The following ITFG1 variants were observed in gnomAD, a reference collection of about 807,000 sequenced individuals.
The protein encoded by ITFG1 is integrin alpha FG-GAP repeat containing 1, also known as T-cell immunomodulatory protein.
In ITFG1, 34 loss-of-function variants were observed where a neutral mutation model predicts 81.8. The ratio of observed to expected loss-of-function variants is 0.42; its 90% CI spans 0.32 to 0.55. ITFG1 has a LOEUF of 0.55. Among genes scored for constraint, ITFG1 ranks in the 20% least tolerant of loss-of-function variants. ITFG1 has a pLI of 0.17. For synonymous variants in ITFG1, 285 were observed against 270.6 expected (o/e 1.05, Z -0.52); for missense variants, 672 against 755.4 (o/e 0.89, Z 1.29).
chr16:47,259,663 T>C (rs1966182469), intron 11 of ITFG1, among the ~76,000 whole-genome samples: 1 of 152,186 alleles, frequency 6.6e-6, no homozygotes, highest in South Asian at 2.1e-4. Context: ...AAATAAATTA[T>C]CTTACAAGGA....
Position 47,210,183 on chromosome 16 carries a change from C to T in ITFG1, c.1453+8685G>A, listed in dbSNP as rs375427570. 3.3e-5 allele frequency among the ~76,000 whole-genome samples: 5 copies of T among 152,314 alleles called. No homozygotes were observed. In the East Asian group the frequency reaches 5.8e-4, roughly 18 times the overall value. The stretch of plus-strand genomic sequence containing the variant: ...ACACAAGCAATATATAAGTGATCTA[C>T]TGTCTCTGCATCCTCATTAGCATTT... On this transcript the variant is annotated intron_variant, in intron 14 of 17. Transcript: ENST00000320640.
intron 14 of ITFG1, among the ~76,000 whole-genome samples, chr16:47,179,471 TA>T (rs960204152): frequency 7.9e-5 from 12 of 152,078 alleles, no homozygotes; most frequent in African/African-American, 2.9e-4. Flanking sequence ...TTAAAGTATA[TA>T]AAAAAATTGA....
intron 8 of ITFG1, among the ~76,000 whole-genome samples, chr16:47,344,559 T>C (rs1020288056): frequency 1.3e-5 from 2 of 152,232 alleles, no homozygotes; most frequent in African/African-American, 4.8e-5. Context: ...CCAAAGGAAT[T>C]ATTTGGTCAA....
Position 47,429,015 on chromosome 16 carries a change from AC to A in ITFG1, c.561-118del, listed in dbSNP as rs1969060000. ...TTATTTATTTTCATTGATATATTCAACATACAATTCATTCTCTTAAAGTGCA... is the reference window on the plus strand; with the variant it reads ...TTATTTATTTTCATTGATATATTCAAATACAATTCATTCTCTTAAAGTGCA... On this transcript the variant is annotated intron_variant, in intron 5 of 17. Coordinates refer to ENST00000320640, the MANE Select transcript of ITFG1 (RefSeq NM_030790.5). 4.7e-6 allele frequency: 3 copies of A among 643,262 alleles called. No individual in the cohort carries two copies. The East Asian group carries it at 8.3e-5, about 18-fold the overall frequency. 39.8% of individuals were successfully genotyped at this position (643,262 alleles called of 1,614,324 possible).
chr16:47,378,117 AC>A (rs1968350094), intron 6 of ITFG1, among the ~76,000 whole-genome samples: 1 of 152,238 alleles, frequency 6.6e-6, no homozygotes, highest in Admixed American at 6.5e-5. Context: ...ATTAACAGCC[AC>A]AGAGAATTCT....
intron 8 of ITFG1, among the ~76,000 whole-genome samples, chr16:47,326,130 C>A (rs1004783177): frequency 2.0e-5 from 3 of 152,186 alleles, no homozygotes; most frequent in Non-Finnish European, 4.4e-5. Context: ...CCACCATGAT[C>A]AAGTGGGCAT....
At chr16:47,230,379 T>G (rs1001613179) in intron 13 of ITFG1, among the ~76,000 whole-genome samples, 2 of 151,888 alleles carry the variant, frequency 1.3e-5, no homozygotes, top group African/African-American at 4.8e-5. Flanking sequence ...ACGATAACAG[T>G]GGGTTAAGGA....
chr16:47,233,537 G>A (rs1394005197), intron 13 of ITFG1, among the ~76,000 whole-genome samples: 2 of 152,182 alleles, frequency 1.3e-5, no homozygotes, highest in Non-Finnish European at 2.9e-5. Flanking sequence ...TCCAGCAGAA[G>A]CATGAGAAGG....
At chr16:47,181,670 A>G (rs375102790) in intron 14 of ITFG1, among the ~76,000 whole-genome samples, 6 of 151,664 alleles carry the variant, frequency 4.0e-5, no homozygotes, top group East Asian at 2.0e-4. Context: ...CCACCACCCC[A>G]TCTGGGAGGT....
chr16:47,181,590 T>A (rs1289227453), intron 14 of ITFG1, among the ~76,000 whole-genome samples: 2 of 143,708 alleles, frequency 1.4e-5, no homozygotes, highest in East Asian at 4.5e-4. Context: ...AGCCGCCCCG[T>A]CCAGGAGGGA....
intron 8 of ITFG1, among the ~76,000 whole-genome samples, chr16:47,349,324 G>A (rs1332384806): frequency 1.3e-5 from 2 of 151,852 alleles, no homozygotes; most frequent in Non-Finnish European, 2.9e-5. Context: ...CATCTCATGT[G>A]CAGAGACACA....
chr16:47,329,811 T>C (rs1967612878), intron 8 of ITFG1, among the ~76,000 whole-genome samples: 1 of 152,134 alleles, frequency 6.6e-6, no homozygotes, highest in African/African-American at 2.4e-5. Flanking sequence ...AGAATCAGAA[T>C]ACAAACTCAG....
chr16:47,330,900 G>A, intron 8 of ITFG1, among the ~76,000 whole-genome samples: 1 of 152,118 alleles, frequency 6.6e-6, no homozygotes, highest in South Asian at 2.1e-4. Flanking sequence ...CAGCCACTGT[G>A]GAAAGTAGCT....
intron 7 of ITFG1, among the ~76,000 whole-genome samples, chr16:47,372,304 G>C (rs1596938730): frequency 6.6e-6 from 1 of 152,110 alleles, no homozygotes; most frequent in South Asian, 2.1e-4. Flanking sequence ...GAGTGCAGTG[G>C]TGCAATCATA....
At chr16:47,388,372 G>A (rs1968488765) in intron 6 of ITFG1, among the ~76,000 whole-genome samples, 1 of 152,132 alleles carries the variant, frequency 6.6e-6, no homozygotes, top group African/African-American at 2.4e-5. Flanking sequence ...CAGAATAAAT[G>A]CAAAGAGATC....
At chr16:47,176,953 CTTTTTTTTTT>C (rs746522529) in intron 14 of ITFG1, among the ~76,000 whole-genome samples, 1 of 135,198 alleles carries the variant, frequency 7.4e-6, no homozygotes, top group African/African-American at 2.7e-5. Flanking sequence ...TCTTCTTCTT[CTTTTTTTTTT>C]TTTTTTTTAA....
At chr16:47,253,176 T>C (rs1966098066) in intron 12 of ITFG1, among the ~76,000 whole-genome samples, 2 of 152,162 alleles carry the variant, frequency 1.3e-5, no homozygotes, top group African/African-American at 4.8e-5. Context: ...AGGCCAGGGA[T>C]TCTTAAACTC....
intron 10 of ITFG1, among the ~76,000 whole-genome samples, chr16:47,306,708 T>C (rs1472118378): frequency 6.6e-6 from 1 of 151,346 alleles, no homozygotes; most frequent in African/African-American, 2.4e-5. Flanking sequence ...AAACATAAAA[T>C]ATTCATAGAA....
chr16:47,456,295 A>G (rs190870898), intron 2 of ITFG1, among the ~76,000 whole-genome samples: 12 of 152,338 alleles, frequency 7.9e-5, no homozygotes, highest in Non-Finnish European at 1.8e-4. Flanking sequence ...AGCTTCCAAA[A>G]TTAAAACAAT....
Sources: allele counts gnomAD v4.1 joint callset (sites outside exome capture counted in the v4.1 genomes callset), GRCh38; gene constraint gnomAD v4.1.1; transcripts MANE v1.5; gene names NCBI Gene and HGNC (gene_info 2026-07-23, HGNC 2026-07-21).